Variants in ELMO1 observed in about 807,000 individuals in gnomAD.
ELMO1 encodes the protein engulfment and cell motility 1, also known as engulfment and cell motility protein 1.
In ELMO1, 26 loss-of-function variants were observed where a neutral mutation model predicts 98.9. The observed-to-expected ratio is 0.26, with a 90% CI of 0.19 to 0.36. The LOEUF (loss-of-function observed/expected upper bound fraction) is 0.36, where lower values mean the gene tolerates loss of function less well. Ranked by LOEUF, ELMO1 falls within the 10% of genes least tolerant of loss-of-function variation. The probability of loss-of-function intolerance (pLI) is 1.00; values close to 1 mark genes in which losing one functional copy is unlikely to be tolerated. For synonymous variants in ELMO1, 346 were observed against 346.0 expected, an observed-to-expected ratio of 1.00 and a Z score of 0.00; for missense variants, 627 against 935.2, an observed-to-expected ratio of 0.67 and a Z score of 4.30.
intron 13 of ELMO1, among the ~76,000 whole-genome samples, chr7:37,206,926 G>A (rs1292604706): frequency 6.6e-6 from 1 of 151,718 alleles, no homozygotes; most frequent in Non-Finnish European, 1.5e-5. Flanking sequence ...TTTAATATCT[G>A]CTTTGATTCA....
chr7:37,072,131 A>C (rs920761996), intron 15 of ELMO1, among the ~76,000 whole-genome samples: 2 of 152,200 alleles, frequency 1.3e-5, no homozygotes, highest in African/African-American at 2.4e-5. Context: ...TTCAAAAAAC[A>C]AAGAGTGTTA....
chr7:37,085,148 G>C (rs1481337943), intron 15 of ELMO1, among the ~76,000 whole-genome samples: 2 of 152,072 alleles, frequency 1.3e-5, no homozygotes, highest in Non-Finnish European at 2.9e-5. Flanking sequence ...CAACCACCAG[G>C]TAAATCTTTA....
intron 15 of ELMO1, among the ~76,000 whole-genome samples, chr7:37,084,177 A>G (rs1338153140): frequency 6.6e-6 from 1 of 152,162 alleles, no homozygotes; most frequent in Non-Finnish European, 1.5e-5. Flanking sequence ...CCTGAGGAGG[A>G]GCGGGAGGGA....
chr7:37,063,232 A>G (rs1330106450), intron 15 of ELMO1, among the ~76,000 whole-genome samples: 2 of 152,060 alleles, frequency 1.3e-5, no homozygotes, highest in Non-Finnish European at 2.9e-5. Context: ...ACCTGGACCA[A>G]GTCTACACCT....
At chr7:36,882,734 G>C (rs933014863) in intron 18 of ELMO1, among the ~76,000 whole-genome samples, 1 of 152,192 alleles carries the variant, frequency 6.6e-6, no homozygotes, top group African/African-American at 2.4e-5. Flanking sequence ...ATAATTATAT[G>C]AGTAAAACAC....
intron 15 of ELMO1, among the ~76,000 whole-genome samples, chr7:37,053,541 A>G (rs1276419718): frequency 6.6e-6 from 1 of 152,220 alleles, no homozygotes; most frequent in East Asian, 1.9e-4. Context: ...GCTTCCAGAC[A>G]TCATTACCTT....
chr7:37,420,707 G>A (rs1433356178), intron 1 of ELMO1, among the ~76,000 whole-genome samples: 1 of 152,206 alleles, frequency 6.6e-6, no homozygotes, highest in African/African-American at 2.4e-5. Flanking sequence ...TAGGGGAATA[G>A]GAGAATGCAT....
intron 13 of ELMO1, among the ~76,000 whole-genome samples, chr7:37,139,474 C>CA (rs922531307): frequency 6.6e-5 from 10 of 151,822 alleles, no homozygotes; most frequent in Non-Finnish European, 8.8e-5. Context: ...ACAATAGCTG[C>CA]AAAAAAATAA....
intron 1 of ELMO1, among the ~76,000 whole-genome samples, chr7:37,400,160 A>G (rs1562666814): frequency 6.6e-6 from 1 of 152,230 alleles, no homozygotes; most frequent in Non-Finnish European, 1.5e-5. Flanking sequence ...ATGAGATGAC[A>G]CATGTAAATA....
chr7:37,069,366 A>G (rs1461920900), intron 15 of ELMO1, among the ~76,000 whole-genome samples: 3 of 152,232 alleles, frequency 2.0e-5, no homozygotes, highest in Admixed American at 6.5e-5. Context: ...CACTCAAATT[A>G]GTAAATTAAT....
intron 1 of ELMO1, chr7:37,375,509 C>T (rs1802298459): frequency 1.2e-6 from 1 of 850,898 alleles, no homozygotes; most frequent in Non-Finnish European, 1.9e-6. Flanking sequence ...CCCCGGACCC[C>T]AGAGCCACCA....
At chr7:37,157,445 A>G (rs1301537893) in intron 13 of ELMO1, among the ~76,000 whole-genome samples, 2 of 152,230 alleles carry the variant, frequency 1.3e-5, no homozygotes, top group Non-Finnish European at 2.9e-5. Context: ...AATCTCCTTA[A>G]GCTGATAAGC....
chr7:37,363,968 C>T (rs1433861507), intron 1 of ELMO1, among the ~76,000 whole-genome samples: 1 of 152,146 alleles, frequency 6.6e-6, no homozygotes, highest in Non-Finnish European at 1.5e-5. Flanking sequence ...CAACACCACC[C>T]ACTCTCACCC....
intron 15 of ELMO1, among the ~76,000 whole-genome samples, chr7:37,041,009 G>A (rs1291469382): frequency 6.6e-6 from 1 of 152,136 alleles, no homozygotes; most frequent in Non-Finnish European, 1.5e-5. Context: ...GAACCCAGGA[G>A]GCAGAGGTTG....
chr7:37,041,719 T>C (rs1012839916), intron 15 of ELMO1, among the ~76,000 whole-genome samples: 1 of 152,160 alleles, frequency 6.6e-6, no homozygotes, highest in Non-Finnish European at 1.5e-5. Context: ...GATCAAGCTG[T>C]GCTCGGTGGT....
intron 15 of ELMO1, among the ~76,000 whole-genome samples, chr7:37,029,912 C>T (rs1193521789): frequency 1.3e-5 from 2 of 152,132 alleles, no homozygotes; most frequent in East Asian, 1.9e-4. Flanking sequence ...TCGTAATACT[C>T]GATGTCTGCT....
chr7:36,981,382 A>G (rs901003897), intron 16 of ELMO1, among the ~76,000 whole-genome samples: 1 of 151,842 alleles, frequency 6.6e-6, no homozygotes, highest in African/African-American at 2.4e-5. Flanking sequence ...TCTTTTGGGG[A>G]GTGAAGATAT....
chr7:37,264,157 G>A (rs559079144), intron 5 of ELMO1, among the ~76,000 whole-genome samples: 2 of 152,260 alleles, frequency 1.3e-5, no homozygotes, highest in South Asian at 4.1e-4. Flanking sequence ...TGGGAGGTGG[G>A]AATATGCGCA....
intron 16 of ELMO1, among the ~76,000 whole-genome samples, chr7:36,933,800 A>T (rs771120298): frequency 6.6e-6 from 1 of 152,204 alleles, no homozygotes; most frequent in African/African-American, 2.4e-5. Flanking sequence ...TCATGGCTGC[A>T]GGCTTGTGAC....
Sources: allele counts gnomAD v4.1 joint callset (sites outside exome capture counted in the v4.1 genomes callset), GRCh38; gene constraint gnomAD v4.1.1; transcripts MANE v1.5; gene names NCBI Gene and HGNC (gene_info 2026-07-23, HGNC 2026-07-21).